Variants in SPMIP2 observed in about 807,000 individuals in gnomAD.
SPMIP2 encodes the protein protein SPMIP2.
the SPMIP2 span, among the ~76,000 whole-genome samples, chr4:158,997,906 A>T: frequency 6.6e-6 from 1 of 152,072 alleles, no homozygotes; most frequent in Admixed American, 6.6e-5. Flanking sequence ...ATCCTCCCAC[A>T]TCGGCCTCCC....
the SPMIP2 span, among the ~76,000 whole-genome samples, chr4:158,927,654 C>G: frequency 2.0e-5 from 3 of 152,242 alleles, no homozygotes; most frequent in African/African-American, 7.2e-5. Flanking sequence ...CCTTTCTGGG[C>G]TGGCCAAGGC....
chr4:159,043,194 C>G, the SPMIP2 span, among the ~76,000 whole-genome samples: 1 of 152,148 alleles, frequency 6.6e-6, no homozygotes, highest in East Asian at 1.9e-4. Context: ...CTAGAAACTT[C>G]CAACTCCCTT....
At chr4:158,895,652 G>C in the SPMIP2 span, 1 of 735,998 alleles carries the variant, frequency 1.4e-6, no homozygotes, top group South Asian at 1.6e-5. Context: ...TGAGATAAAA[G>C]CTGTGTAGTT....
the SPMIP2 span, among the ~76,000 whole-genome samples, chr4:158,922,525 G>A: frequency 6.6e-6 from 1 of 152,280 alleles, no homozygotes; most frequent in Non-Finnish European, 1.5e-5. Context: ...TAAATAAATT[G>A]ATTTTATATC....
chr4:158,952,807 AG>A, the SPMIP2 span, among the ~76,000 whole-genome samples: 1,295 of 152,290 alleles, frequency 8.5e-3, 42 homozygotes, highest in East Asian at 0.13. Flanking sequence ...TGGGAACTGG[AG>A]CAAAGATGAC....
chr4:159,046,296 G>A, the SPMIP2 span, among the ~76,000 whole-genome samples: 1 of 151,704 alleles, frequency 6.6e-6, no homozygotes. Flanking sequence ...ACCTGAGACA[G>A]AAGCCACGGT....
At chr4:158,981,476 A>G in the SPMIP2 span, among the ~76,000 whole-genome samples, 5 of 152,168 alleles carry the variant, frequency 3.3e-5, 1 homozygote, top group Non-Finnish European at 1.5e-5. Context: ...GTTGGCCACA[A>G]AGGGATGCCC....
At chr4:158,920,723 C>CAGT in the SPMIP2 span, among the ~76,000 whole-genome samples, 1 of 152,364 alleles carries the variant, frequency 6.6e-6, no homozygotes, top group Admixed American at 6.5e-5. Context: ...AGACCCTTAT[C>CAGT]AGTAGTTCTG....
At chr4:159,019,675 C>G in the SPMIP2 span, among the ~76,000 whole-genome samples, 2 of 152,266 alleles carry the variant, frequency 1.3e-5, no homozygotes, top group African/African-American at 2.4e-5. Context: ...TCCTGGGAAT[C>G]CCTTCATCGT....
the SPMIP2 span, among the ~76,000 whole-genome samples, chr4:159,008,784 T>C: frequency 4.6e-5 from 7 of 152,358 alleles, no homozygotes; most frequent in East Asian, 1.3e-3. Flanking sequence ...TTGCATTGTC[T>C]TTTAAATCCA....
the SPMIP2 span, among the ~76,000 whole-genome samples, chr4:158,947,147 A>C: frequency 1.3e-5 from 2 of 152,118 alleles, no homozygotes; most frequent in Non-Finnish European, 1.5e-5. Flanking sequence ...TAATTATCTC[A>C]AAAAAATCGC....
the SPMIP2 span, among the ~76,000 whole-genome samples, chr4:158,910,202 T>C: frequency 6.6e-6 from 1 of 152,028 alleles, no homozygotes; most frequent in Admixed American, 6.6e-5. Flanking sequence ...ATGTTATGTG[T>C]CATCTTGGCT....
At chr4:158,995,962 C>T in the SPMIP2 span, among the ~76,000 whole-genome samples, 5 of 151,376 alleles carry the variant, frequency 3.3e-5, no homozygotes, top group East Asian at 9.7e-4. Context: ...CATTTGTGTG[C>T]TGAGGTTTCC....
the SPMIP2 span, among the ~76,000 whole-genome samples, chr4:158,937,018 A>ATTT: frequency 2.6e-5 from 4 of 152,226 alleles, no homozygotes; most frequent in East Asian, 7.7e-4. Flanking sequence ...TTGAAGGGGT[A>ATTT]ATACCACAAA....
the SPMIP2 span, among the ~76,000 whole-genome samples, chr4:159,015,842 T>C: frequency 6.6e-6 from 1 of 152,196 alleles, no homozygotes; most frequent in African/African-American, 2.4e-5. Context: ...GTGCTTAGTA[T>C]ATGTGTGATA....
the SPMIP2 span, among the ~76,000 whole-genome samples, chr4:158,969,769 C>G: frequency 0.27 from 40,795 of 152,060 alleles, 6,208 homozygotes; most frequent in Middle Eastern, 0.34. Flanking sequence ...TTATATAAAC[C>G]TGGAGCAGTA....
the SPMIP2 span, among the ~76,000 whole-genome samples, chr4:158,893,902 G>C: frequency 2.0e-5 from 3 of 152,112 alleles, no homozygotes; most frequent in Admixed American, 2.0e-4. Context: ...GCACTTACTA[G>C]TGTGAATGAC....
chr4:159,078,326 A>G, the SPMIP2 span, among the ~76,000 whole-genome samples: 3 of 152,166 alleles, frequency 2.0e-5, no homozygotes, highest in Non-Finnish European at 1.5e-5. Flanking sequence ...ATAAATCCCC[A>G]AGCAATTGGC....
the SPMIP2 span, among the ~76,000 whole-genome samples, chr4:158,998,609 T>A: frequency 2.0e-5 from 3 of 152,100 alleles, no homozygotes; most frequent in Non-Finnish European, 4.4e-5. Flanking sequence ...AGTGAGAAGA[T>A]GTGAATATAA....
Sources: allele counts gnomAD v4.1 joint callset (sites outside exome capture counted in the v4.1 genomes callset), GRCh38; gene constraint gnomAD v4.1.1; transcripts MANE v1.5; gene names NCBI Gene and HGNC (gene_info 2026-07-23, HGNC 2026-07-21).